The following SDHAF2 variants were observed in gnomAD, a reference collection of about 807,000 sequenced individuals.
The protein encoded by SDHAF2 is succinate dehydrogenase complex assembly factor 2.
A neutral mutation model predicts 18.5 loss-of-function variants in SDHAF2; 21 were observed. That is an observed-to-expected ratio of 1.13 (90% confidence interval 0.80 to 1.63). SDHAF2 has a LOEUF of 1.63. SDHAF2 is among the 40% of genes most tolerant of loss of function. The pLI is 0.00. For missense variants in SDHAF2, 195 were observed against 200.3 expected (o/e 0.97, Z 0.16); for synonymous variants, 84 against 70.7 (o/e 1.19, Z -0.94).
intron 1 of SDHAF2, 96 bp downstream of exon 1, chr11:61,430,278 G>T (rs1861847190): frequency 6.6e-7 from 1 of 1,508,138 alleles, no homozygotes; most frequent in Admixed American, 1.8e-5. Flanking sequence ...GAGTTCGTCT[G>T]CCCGATAGCG....
intron 2 of SDHAF2, 52 bp from the exon 3 acceptor site, chr11:61,437,952 A>G: frequency 1.3e-6 from 2 of 1,587,104 alleles, no homozygotes; most frequent in South Asian, 1.1e-5. Context: ...CTTCTCTTTT[A>G]TTAGACACAG....
rs548371183 is a variant in SDHAF2, at chr11:61,437,930, G to A, written c.261-74G>A. 7.2e-5 allele frequency: 112 copies of A among 1,557,544 alleles called. 1 individual carries two copies. The East Asian group carries it at 1.9e-3, about 26-fold the overall frequency. On this transcript the variant is annotated intron_variant, in intron 2 of 3. Coordinates refer to ENST00000301761, the MANE Select transcript of SDHAF2 (RefSeq NM_017841.4). ...TTCAGAGAGACTCCCAGGAGTAGGA[G>A]TCTTGGTGTCACTTCTCTTTTATTA...
At chr11:61,441,520 C>CA (rs1168050919) in intron 3 of SDHAF2, among the ~76,000 whole-genome samples, 1,512 of 83,722 alleles carry the variant, frequency 0.018, 22 homozygotes, top group South Asian at 0.046. Context: ...GGCTCCATCT[C>CA]AAAAAAAAAA....
At chr11:61,440,565 C>T (rs1274265163) in intron 3 of SDHAF2, among the ~76,000 whole-genome samples, 1 of 152,118 alleles carries the variant, frequency 6.6e-6, no homozygotes, top group Non-Finnish European at 1.5e-5. Context: ...TGGGCCACTG[C>T]ACTCCAGCCT....
At chr11:61,435,566 CCT>C (rs1191894585) in intron 1 of SDHAF2, 1 of 152,184 alleles carries the variant, frequency 6.6e-6, no homozygotes, top group Non-Finnish European at 1.5e-5. Context: ...ATTCCAAGGG[CCT>C]CTCAATCCTT....
intron 1 of SDHAF2, chr11:61,431,348 T>C (rs144018697): frequency 6.6e-6 from 1 of 152,328 alleles, no homozygotes; most frequent in Non-Finnish European, 1.5e-5. Flanking sequence ...TTTTTCTTTT[T>C]TTCGTAGAGA....
At chr11:61,439,979 T>A (rs1672826595) in intron 3 of SDHAF2, among the ~76,000 whole-genome samples, 1 of 152,152 alleles carries the variant, frequency 6.6e-6, no homozygotes, top group African/African-American at 2.4e-5. Context: ...ATTTGCTGGG[T>A]CATGTGGTAA....
chr11:61,438,166 T>G, intron 3 of SDHAF2, 53 bp downstream of exon 3: 2 of 1,365,656 alleles, frequency 1.5e-6, no homozygotes, highest in Non-Finnish European at 2.1e-6. Flanking sequence ...TTAGGCTGAT[T>G]TGAGTCTAGA....
intron 3 of SDHAF2, among the ~76,000 whole-genome samples, chr11:61,443,819 G>A (rs1786263344): frequency 2.0e-5 from 3 of 151,756 alleles, no homozygotes; most frequent in African/African-American, 7.3e-5. Context: ...CTGTCACCCA[G>A]ACTGGAGGCA....
intron 1 of SDHAF2, chr11:61,432,515 C>A (rs1427099849): frequency 2.0e-5 from 3 of 151,678 alleles, no homozygotes; most frequent in African/African-American, 7.3e-5. Flanking sequence ...TTATTTATTT[C>A]TTTTGAATAT....
intron 3 of SDHAF2, among the ~76,000 whole-genome samples, chr11:61,442,509 G>A (rs753497646): frequency 3.3e-5 from 5 of 152,006 alleles, no homozygotes; most frequent in Non-Finnish European, 5.9e-5. Flanking sequence ...GTTTCTAGCC[G>A]TTTCAATATT....
intron 3 of SDHAF2, chr11:61,444,270 C>T (rs1298782984): frequency 2.6e-5 from 4 of 152,238 alleles, no homozygotes; most frequent in Non-Finnish European, 4.4e-5. Flanking sequence ...GTATGTTGAC[C>T]TCTCAGAAGC....
chr11:61,442,947 G>A (rs1378507587), intron 3 of SDHAF2, among the ~76,000 whole-genome samples: 1 of 152,158 alleles, frequency 6.6e-6, no homozygotes, highest in Non-Finnish European at 1.5e-5. Flanking sequence ...ACAGAGACGG[G>A]TTTCACCATG....
At position 61,446,014 on chromosome 11, in the gene SDHAF2, CAA is replaced by C. The variant is rs772219112; in HGVS notation, c.446_447del (p.Lys149ArgfsTer10). On this transcript the variant is annotated frameshift_variant, in exon 4 of 4. Transcript: ENST00000301761. LOFTEE classifies it high-confidence loss of function. The stretch of plus-strand genomic sequence containing the variant: ...TGAGAGACTTTGCTAAAAACAAAAA[CAA>C]AGAGCAGAGACTGCGTGCCCCAGAT... ...LLRDFAKNKN[K>X]EQRLRAPDLE... 23 of 1,614,158 alleles carry C rather than the reference CAA, an allele frequency of 1.4e-5. No individual in the cohort carries two copies. Among genetic ancestry groups the C allele is most frequent in the Non-Finnish European group, 1.9e-5 (23 of 1,180,016 alleles).
intron 3 of SDHAF2, among the ~76,000 whole-genome samples, chr11:61,442,029 C>T (rs1038080898): frequency 1.6e-4 from 24 of 151,744 alleles, no homozygotes; most frequent in Admixed American, 1.1e-3. Context: ...GACTACAGGC[C>T]GGCAGCACCA....
chr11:61,431,412 C>G (rs1396146668), intron 1 of SDHAF2: 1 of 152,214 alleles, frequency 6.6e-6, no homozygotes, highest in African/African-American at 2.4e-5. Context: ...CTCAAGTGAT[C>G]CTCCTGCCTC....
At chr11:61,436,271 C>T (rs1455591339) in intron 1 of SDHAF2, 3 of 157,624 alleles carry the variant, frequency 1.9e-5, no homozygotes, top group African/African-American at 7.2e-5. Flanking sequence ...GTGCTAGATC[C>T]TTTCAAGTGC....
chr11:61,430,169 C>A lies in SDHAF2; in HGVS notation c.23C>A (p.Ser8Ter), dbSNP rs1254052531. Residue 8 changes from serine (S) to a stop codon, truncating the protein, a stop_gained, in exon 1 of 4, where the codon TCG becomes TAG. Coordinates refer to ENST00000301761, the MANE Select transcript of SDHAF2 (RefSeq NM_017841.4). LOFTEE classifies it high-confidence loss of function. The part of the protein sequence containing the change: MAVSTVF[S>*]TSSLMLALSR... ...AAAATGGCGGTGTCTACAGTGTTCT[C>A]GACTTCGTCGCTGGTGAGGAGAGAG... 6.2e-7 allele frequency: 1 copy of A among 1,614,192 alleles called. No individual in the cohort carries two copies. Among genetic ancestry groups the A allele is most frequent in the Non-Finnish European group, 8.5e-7 (1 of 1,180,020 alleles).
At chr11:61,436,868 A>T in intron 1 of SDHAF2, 1 of 1,288,380 alleles carries the variant, frequency 7.8e-7, no homozygotes, top group Non-Finnish European at 1.0e-6. Context: ...CCACCTTGAC[A>T]TCATATCTTG....
Sources: gnomAD v4.1 joint callset for allele counts (sites outside exome capture counted in the v4.1 genomes callset) on GRCh38, gnomAD v4.1.1 for gene constraint, MANE v1.5 for transcripts, NCBI Gene and HGNC (gene_info 2026-07-23, HGNC 2026-07-21) for gene names.